Variants in TPH2 observed in about 807,000 individuals in gnomAD.
TPH2 encodes the protein tryptophan 5-hydroxylase 2.
A neutral mutation model predicts 59.1 loss-of-function variants in TPH2; 27 were observed. The ratio of observed to expected loss-of-function variants is 0.46; its 90% CI spans 0.34 to 0.63. The LOEUF (loss-of-function observed/expected upper bound fraction) is 0.63, where lower values mean the gene tolerates loss of function less well. TPH2 is among the 30% of genes least tolerant of loss of function. TPH2 has a pLI of 0.01. For missense variants in TPH2, 523 were observed against 588.3 expected (o/e 0.89, Z 1.15); for synonymous variants, 220 against 210.5 (o/e 1.05, Z -0.39).
At chr12:72,030,035 G>A (rs1025820422) in intron 9 of TPH2, among the ~76,000 whole-genome samples, 5 of 152,046 alleles carry the variant, frequency 3.3e-5, no homozygotes, top group African/African-American at 9.7e-5. Flanking sequence ...GAATCTTCCC[G>A]CCTAAAACTC....
rs1015170104 is a variant in TPH2, at chr12:71,979,004, C to T, written c.858C>T (p.Asp286=). 1.4e-5 allele frequency: 22 copies of T among 1,614,064 alleles called. No homozygotes were observed. The highest frequency in any genetic ancestry group is 1.3e-4 in the South Asian group (12 of 91,082). Residue 286 remains aspartate, a synonymous_variant, in exon 7 of 11, where the codon GAC becomes GAT. Transcript: ENST00000333850. Reference sequence around the variant, plus strand: ...TGGCTGGATACCTGAGCCCACGAGACTTTCTGGCAGGACTGGCCTACAGAG... The same window carrying T: ...TGGCTGGATACCTGAGCCCACGAGATTTTCTGGCAGGACTGGCCTACAGAG... ...RPVAGYLSPR[D]FLAGLAYRVF...
intron 2 of TPH2, among the ~76,000 whole-genome samples, chr12:71,942,923 G>A (rs61080136): frequency 0.04 from 6,155 of 152,204 alleles, 353 homozygotes; most frequent in African/African-American, 0.13. Context: ...TGGGTGCAGT[G>A]GATAAATTCC....
intron 5 of TPH2, among the ~76,000 whole-genome samples, chr12:71,960,321 T>C (rs1449147920): frequency 6.6e-6 from 1 of 152,210 alleles, no homozygotes; most frequent in Non-Finnish European, 1.5e-5. Context: ...CCATTTGACA[T>C]AGGTGGTATC....
At chr12:72,016,897 C>T (rs1191770783) in intron 8 of TPH2, among the ~76,000 whole-genome samples, 1 of 152,040 alleles carries the variant, frequency 6.6e-6, no homozygotes, top group Admixed American at 6.5e-5. Context: ...CATTCAAGGA[C>T]CCTCAGGAAG....
chr12:72,014,437 C>T (rs1873184940), intron 8 of TPH2, among the ~76,000 whole-genome samples: 1 of 147,514 alleles, frequency 6.8e-6, no homozygotes. Flanking sequence ...CTCACCCAGG[C>T]TGGAGTGCAG....
In TPH2 at chr12:71,994,533, G is replaced by T. The variant is rs1872648564; in HGVS notation, c.1036G>T (p.Ala346Ser). The T allele has an allele frequency of 6.2e-7, 1 of 1,613,958 alleles. No individual in the cohort carries two copies. The highest frequency in any genetic ancestry group is 8.5e-7 in the Non-Finnish European group (1 of 1,179,852). ...SQEIGLASLG[A>S]SDEDVQKLAT... ...AGAAATAGGTCTGGCGTCTCTGGGA[G>T]CATCAGATGAAGATGTTCAGAAACT... Residue 346 changes from alanine (A) to serine (S), a missense_variant, in exon 8 of 11, where the codon GCA becomes TCA. By Grantham distance (99) the Ala-to-Ser change is moderately conservative. Coordinates refer to ENST00000333850, the MANE Select transcript of TPH2 (RefSeq NM_173353.4).
intron 9 of TPH2, among the ~76,000 whole-genome samples, chr12:72,027,425 A>G (rs1053872640): frequency 1.3e-5 from 2 of 152,152 alleles, no homozygotes; most frequent in African/African-American, 4.8e-5. Flanking sequence ...TTTAATTTTG[A>G]CCACAACCCC....
intron 9 of TPH2, among the ~76,000 whole-genome samples, chr12:72,030,756 C>T (rs771944682): frequency 6.6e-6 from 1 of 152,120 alleles, no homozygotes; most frequent in Non-Finnish European, 1.5e-5. Context: ...TGTTGATACA[C>T]AGTACCTGGC....
chr12:71,974,417 A>G (rs1289175544), intron 6 of TPH2, among the ~76,000 whole-genome samples: 1 of 152,160 alleles, frequency 6.6e-6, no homozygotes. Flanking sequence ...CCCAGCTTCT[A>G]GAGTCCTCCT....
intron 5 of TPH2, chr12:71,961,565 G>A (rs749922643): frequency 2.2e-6 from 3 of 1,352,088 alleles, no homozygotes; most frequent in Non-Finnish European, 2.9e-6. Context: ...GCCCAAGACT[G>A]TTAGCTGCTA....
At chr12:72,030,916 C>T (rs539271933) in intron 9 of TPH2, among the ~76,000 whole-genome samples, 41 of 152,290 alleles carry the variant, frequency 2.7e-4, no homozygotes, top group South Asian at 1.2e-3. Context: ...GCTGTCCCTG[C>T]TTCTATTCAT....
intron 5 of TPH2, among the ~76,000 whole-genome samples, chr12:71,951,748 G>A (rs532617684): frequency 3.3e-5 from 5 of 151,938 alleles, no homozygotes; most frequent in African/African-American, 7.3e-5. Context: ...GATTTCGGCC[G>A]GGTACAGTGG....
chr12:72,023,116 G>C (rs1208209098), intron 9 of TPH2, among the ~76,000 whole-genome samples: 4 of 151,976 alleles, frequency 2.6e-5, no homozygotes, highest in African/African-American at 7.3e-5. Flanking sequence ...GTTGAGACCT[G>C]GAATATTCTG....
At chr12:71,943,848 G>A (rs575583231) in intron 2 of TPH2, among the ~76,000 whole-genome samples, 1 of 151,650 alleles carries the variant, frequency 6.6e-6, no homozygotes, top group Non-Finnish European at 1.5e-5. Flanking sequence ...ATTTCTGAAA[G>A]GTTATTTTAA....
chr12:71,986,630 CTT>C (rs36018735), intron 7 of TPH2, among the ~76,000 whole-genome samples: 1 of 131,382 alleles, frequency 7.6e-6, no homozygotes, highest in Non-Finnish European at 1.6e-5. Context: ...AGCCACCCTT[CTT>C]TTTTTTTTTT....
At chr12:72,003,348 G>A (rs1872873595) in intron 8 of TPH2, among the ~76,000 whole-genome samples, 1 of 152,170 alleles carries the variant, frequency 6.6e-6, no homozygotes, top group South Asian at 2.1e-4. Context: ...TGAGATGTTT[G>A]TGTGGATGAT....
chr12:71,982,478 A>G lies in TPH2; in HGVS notation c.941+3391A>G, dbSNP rs550197725. Among the ~76,000 whole-genome samples, 28 of 152,298 alleles carry G rather than the reference A, an allele frequency of 1.8e-4. No individual in the cohort carries two copies. In the South Asian group the frequency reaches 4.4e-3, roughly 24 times the overall value. ...TTCCATTTCATCCTTCCAGAAATATACTATGCAGACAAAATTCTCTGTAAA... is the reference window on the plus strand; with the variant it reads ...TTCCATTTCATCCTTCCAGAAATATGCTATGCAGACAAAATTCTCTGTAAA... On this transcript the variant is annotated intron_variant, in intron 7 of 10. Transcript: ENST00000333850.
intron 8 of TPH2, among the ~76,000 whole-genome samples, chr12:72,013,921 T>C (rs11179046): frequency 0.57 from 85,820 of 151,866 alleles, 24,546 homozygotes; most frequent in South Asian, 0.67. Flanking sequence ...GGGAGGGGAC[T>C]CTGAGGGGTC....
chr12:71,982,329 C>A (rs746336635), intron 7 of TPH2, among the ~76,000 whole-genome samples: 13 of 151,954 alleles, frequency 8.6e-5, no homozygotes, highest in Non-Finnish European at 1.5e-4. Flanking sequence ...ATAGGTAATA[C>A]ATATGCATAA....
Sources: allele counts gnomAD v4.1 joint callset (sites outside exome capture counted in the v4.1 genomes callset), GRCh38; gene constraint gnomAD v4.1.1; transcripts MANE v1.5; gene names NCBI Gene and HGNC (gene_info 2026-07-23, HGNC 2026-07-21).